CUX2: variants seen among roughly 807,000 people sequenced by gnomAD.
CUX2 encodes cut like homeobox 2, also known as homeobox protein cut-like 2.
A neutral mutation model predicts 144.8 loss-of-function variants in CUX2; 40 were observed. The observed-to-expected ratio is 0.28, with a 90% CI of 0.21 to 0.36. The LOEUF (loss-of-function observed/expected upper bound fraction) is 0.36. Among genes scored for constraint, CUX2 ranks in the 10% least tolerant of loss-of-function variants. The pLI is 1.00. For synonymous variants in CUX2, 827 were observed against 875.6 expected (o/e 0.94, Z 0.98); for missense variants, 1,615 against 1,994.0 (o/e 0.81, Z 3.62).
In CUX2 at chr12:111,320,885, C is replaced by G; in HGVS notation, c.2766+110C>G. On this transcript the variant is annotated intron_variant, in intron 17 of 21. Transcript: ENST00000261726. This position sits in a 1 kb window ranked among gnomAD's most constrained non-coding sequence, Gnocchi z 8.1. ...ACCCCAGGGGCCCAGGCCCTTCATT[C>G]CTGAGTCCTGCTGTCCCTGGGTCCC... The G allele has an allele frequency of 8.4e-7, 1 of 1,194,846 alleles. No individual in the cohort carries two copies. Among genetic ancestry groups the G allele is most frequent in the South Asian group, 1.8e-5 (1 of 54,516 alleles). 74.0% of individuals were successfully genotyped at this position (1,194,846 alleles called of 1,614,324 possible).
chr12:111,169,910 G>A (rs1046711219), intron 1 of CUX2, among the ~76,000 whole-genome samples: 7 of 152,126 alleles, frequency 4.6e-5, no homozygotes, highest in African/African-American at 1.4e-4. Flanking sequence ...GGCAGGGAAT[G>A]ACTATGGGCC....
intron 3 of CUX2, among the ~76,000 whole-genome samples, chr12:111,260,884 T>C (rs959015000): frequency 6.6e-6 from 1 of 152,248 alleles, no homozygotes; most frequent in Non-Finnish European, 1.5e-5. Context: ...CAGGCAACCG[T>C]AAAATGGAAC....
intron 1 of CUX2, among the ~76,000 whole-genome samples, chr12:111,162,506 G>A (rs1877842089): frequency 6.6e-6 from 1 of 152,232 alleles, no homozygotes; most frequent in South Asian, 2.1e-4. Context: ...TTGGGGGCTT[G>A]AGCCACCCTG....
chr12:111,114,312 T>C (rs1416610872), intron 1 of CUX2, among the ~76,000 whole-genome samples: 1 of 152,216 alleles, frequency 6.6e-6, no homozygotes, highest in African/African-American at 2.4e-5. Flanking sequence ...CAGTATCTCA[T>C]TGTGGTTTTC....
intron 21 of CUX2, among the ~76,000 whole-genome samples, chr12:111,343,628 C>T (rs913714791): frequency 6.6e-6 from 1 of 152,230 alleles, no homozygotes; most frequent in African/African-American, 2.4e-5. Flanking sequence ...TCCATACCCT[C>T]TCTCAGTCCC....
At chr12:111,326,772 C>T (rs1318762902) in intron 18 of CUX2, among the ~76,000 whole-genome samples, 1 of 151,976 alleles carries the variant, frequency 6.6e-6, no homozygotes, top group Non-Finnish European at 1.5e-5. Flanking sequence ...GGTGTGGTAG[C>T]ACGCATCTGT....
intron 1 of CUX2, among the ~76,000 whole-genome samples, chr12:111,104,828 C>A (rs974520971): frequency 1.3e-5 from 2 of 152,204 alleles, no homozygotes; most frequent in African/African-American, 4.8e-5. Flanking sequence ...TTGGCCCCAC[C>A]TGGTGACCTT....
intron 1 of CUX2, among the ~76,000 whole-genome samples, chr12:111,111,052 A>C (rs1873919904): frequency 6.6e-6 from 1 of 152,238 alleles, no homozygotes; most frequent in South Asian, 2.1e-4. Flanking sequence ...CTGTAATCCC[A>C]GCACTTTGGG....
chr12:111,139,332 G>T (rs572248965), intron 1 of CUX2, among the ~76,000 whole-genome samples: 1 of 152,256 alleles, frequency 6.6e-6, no homozygotes, highest in African/African-American at 2.4e-5. Context: ...GATGGGGTTT[G>T]GGAGAGAAAG....
At chr12:111,245,954 G>A (rs562067878) in intron 3 of CUX2, among the ~76,000 whole-genome samples, 2 of 152,220 alleles carry the variant, frequency 1.3e-5, no homozygotes, top group Admixed American at 1.3e-4. Flanking sequence ...GGGGCAGGTG[G>A]GGACTCTGTA....
chr12:111,177,014 A>G (rs1878895917), intron 1 of CUX2, among the ~76,000 whole-genome samples: 3 of 152,128 alleles, frequency 2.0e-5, no homozygotes, highest in Admixed American at 2.0e-4. Context: ...AGTTGTGACT[A>G]TCAAATATAT....
intron 3 of CUX2, among the ~76,000 whole-genome samples, chr12:111,256,971 GTT>G (rs1472970958): frequency 6.6e-6 from 1 of 152,100 alleles, no homozygotes; most frequent in Non-Finnish European, 1.5e-5. Flanking sequence ...CAAATTTTCT[GTT>G]TTTAACCACC....
chr12:111,204,999 G>T (rs1016761451), intron 1 of CUX2, among the ~76,000 whole-genome samples: 3 of 152,156 alleles, frequency 2.0e-5, no homozygotes, highest in African/African-American at 7.2e-5. Flanking sequence ...ACCACCCCTT[G>T]CCCTGGCCTC....
intron 1 of CUX2, among the ~76,000 whole-genome samples, chr12:111,122,525 C>T (rs1215105935): frequency 1.3e-5 from 2 of 152,124 alleles, no homozygotes; most frequent in Non-Finnish European, 2.9e-5. Context: ...TTTCCCTCTC[C>T]GAGTGCCTTA....
rs369367408 is a variant in CUX2 at position 111,080,038 on chromosome 12, C to A, written c.63+45798C>A. Among the ~76,000 whole-genome samples, 11 of 152,312 alleles carry A rather than the reference C, an allele frequency of 7.2e-5. No homozygotes were observed. In the East Asian group the frequency reaches 1.2e-3, roughly 16 times the overall value. ...GATCAAGTCACTTCTGTTCTCTGGG[C>A]CTCAATTTCTCATCTGTAAAACGGG... is the stretch of plus-strand genomic sequence containing the variant. On this transcript the variant is annotated intron_variant, in intron 1 of 21. Coordinates refer to ENST00000261726, the MANE Select transcript of CUX2 (RefSeq NM_015267.4).
chr12:111,084,767 G>A (rs922343732), intron 1 of CUX2, among the ~76,000 whole-genome samples: 8 of 152,300 alleles, frequency 5.3e-5, no homozygotes, highest in East Asian at 1.9e-4. Context: ...CGGCAGCGAC[G>A]GCGCTGTATA....
At chr12:111,070,747 G>A (rs985226647) in intron 1 of CUX2, among the ~76,000 whole-genome samples, 7 of 152,002 alleles carry the variant, frequency 4.6e-5, no homozygotes, top group Non-Finnish European at 7.4e-5. Flanking sequence ...AAAATCATCC[G>A]TGCTCTACTA....
At position 111,307,362 on chromosome 12, in the gene CUX2, C is replaced by A; in HGVS notation, c.1109+105C>A. On this transcript the variant is annotated intron_variant, in intron 12 of 21. Coordinates refer to ENST00000261726, the MANE Select transcript of CUX2 (RefSeq NM_015267.4). The surrounding 1 kb of genome is among the most constrained non-coding windows in gnomAD (Gnocchi z 4.1). ...TCCCTCCTACTAAACCCCATTTGTTCTTCTCTCCACTAACACTGTGGATAT... is the reference window on the plus strand; with the variant it reads ...TCCCTCCTACTAAACCCCATTTGTTATTCTCTCCACTAACACTGTGGATAT... 1.0e-6 allele frequency: 1 copy of A among 984,738 alleles called. No homozygotes were observed. Among genetic ancestry groups the A allele is most frequent in the Non-Finnish European group, 1.5e-6 (1 of 652,102 alleles). 61.0% of individuals were successfully genotyped at this position (984,738 alleles called of 1,614,324 possible). A position where few individuals can be genotyped will look rare whatever the true frequency, so the allele number is the denominator to read the frequency against.
At chr12:111,308,168 T>C (rs1886693964) in intron 12 of CUX2, 117 bp from the exon 13 acceptor site, 18 of 1,115,512 alleles carry the variant, frequency 1.6e-5, no homozygotes, top group Non-Finnish European at 2.4e-5. Context: ...ATTAATGGGG[T>C]TCTGGGGAAT....
Sources: allele counts gnomAD v4.1 joint callset (sites outside exome capture counted in the v4.1 genomes callset), GRCh38; gene constraint gnomAD v4.1.1; non-coding constraint Gnocchi (gnomAD v3.1); transcripts MANE v1.5; gene names NCBI Gene and HGNC (gene_info 2026-07-23, HGNC 2026-07-21).